The following FREM3 variants were observed in gnomAD, a reference collection of about 807,000 sequenced individuals.
FREM3 encodes FRAS1-related extracellular matrix protein 3.
Under a neutral mutation model 129.1 loss-of-function variants are expected in FREM3, and 105 were observed. The ratio of observed to expected loss-of-function variants is 0.81; its 90% CI spans 0.69 to 0.96. FREM3 has a LOEUF of 0.96. Ranked by LOEUF, FREM3 falls within the 40% of genes least tolerant of loss-of-function variation. FREM3 has a pLI of 0.00. For missense variants in FREM3, 2,593 were observed against 2,666.3 expected (o/e 0.97, Z 0.61); for synonymous variants, 1,014 against 1,044.9 (o/e 0.97, Z 0.57).
chr4:143,609,108 A>C (rs1738713739), intron 6 of FREM3, among the ~76,000 whole-genome samples: 1 of 152,146 alleles, frequency 6.6e-6, no homozygotes, highest in Non-Finnish European at 1.5e-5. Context: ...TGGGAAACAG[A>C]GCCACAGATA....
intron 2 of FREM3, among the ~76,000 whole-genome samples, chr4:143,690,202 A>G (rs944025792): frequency 1.1e-4 from 16 of 152,158 alleles, no homozygotes; most frequent in Non-Finnish European, 2.4e-4. Context: ...TAATAATTCT[A>G]AGGAACACAT....
chr4:143,662,079 C>G (rs922678460), intron 2 of FREM3, among the ~76,000 whole-genome samples: 1 of 151,796 alleles, frequency 6.6e-6, no homozygotes, highest in African/African-American at 2.4e-5. Context: ...TTTTTTGTGT[C>G]TCTATTTCCT....
At chr4:143,596,936 T>A (rs1465357482) in intron 6 of FREM3, among the ~76,000 whole-genome samples, 1 of 151,902 alleles carries the variant, frequency 6.6e-6, no homozygotes, top group African/African-American at 2.4e-5. Context: ...AGACTTTGTC[T>A]CAAAAAATAA....
chr4:143,616,940 G>T (rs573401487), intron 5 of FREM3, among the ~76,000 whole-genome samples: 1 of 152,284 alleles, frequency 6.6e-6, no homozygotes, highest in African/African-American at 2.4e-5. Context: ...GGATAGAGTA[G>T]ATCATTAAAA....
At chr4:143,693,975 A>G (rs950519082) in intron 1 of FREM3, among the ~76,000 whole-genome samples, 1 of 152,166 alleles carries the variant, frequency 6.6e-6, no homozygotes, top group Non-Finnish European at 1.5e-5. Flanking sequence ...TGAAAGGAAC[A>G]ATCAACAGTG....
At chr4:143,592,375 G>T (rs1253185912) in intron 6 of FREM3, among the ~76,000 whole-genome samples, 1 of 151,198 alleles carries the variant, frequency 6.6e-6, no homozygotes, top group African/African-American at 2.5e-5. Flanking sequence ...GCAGTGGCTG[G>T]TACTGGTTGT....
At chr4:143,630,646 G>C (rs1739119189) in intron 2 of FREM3, among the ~76,000 whole-genome samples, 2 of 152,158 alleles carry the variant, frequency 1.3e-5, no homozygotes, top group Non-Finnish European at 2.9e-5. Flanking sequence ...CCACATGCTT[G>C]CTGTTAGGCA....
intron 6 of FREM3, among the ~76,000 whole-genome samples, chr4:143,592,485 C>T (rs1738384288): frequency 6.6e-6 from 1 of 152,126 alleles, no homozygotes; most frequent in African/African-American, 2.4e-5. Flanking sequence ...TATTTTATTT[C>T]TCCTTTGCTT....
In FREM3 at chr4:143,664,024, G is replaced by A. The variant is rs908117796; in HGVS notation, c.5275+29089C>T. 9.9e-5 allele frequency among the ~76,000 whole-genome samples: 15 copies of A among 152,128 alleles called. 1 individual carries two copies. The South Asian group carries it at 2.5e-3, about 25-fold the overall frequency. On this transcript the variant is annotated intron_variant, in intron 2 of 7. Coordinates refer to ENST00000329798, the MANE Select transcript of FREM3 (RefSeq NM_001168235.2). ...AAAGTTTTCAACTTCTTTGCCTTCC[G>A]TTTGAATTTCCTCCTGTAGTTCGGA...
intron 2 of FREM3, among the ~76,000 whole-genome samples, chr4:143,665,136 T>C (rs7438449): frequency 0.77 from 116,605 of 151,822 alleles, 45,196 homozygotes; most frequent in East Asian, 0.94. Context: ...GTGAGATGAA[T>C]CCAGTACCTC....
At chr4:143,638,757 T>G (rs919010859) in intron 2 of FREM3, among the ~76,000 whole-genome samples, 2 of 152,148 alleles carry the variant, frequency 1.3e-5, no homozygotes, top group Admixed American at 1.3e-4. Flanking sequence ...AACATAGTCT[T>G]GATTTATCAT....
At chr4:143,633,390 T>G (rs991963465) in intron 2 of FREM3, among the ~76,000 whole-genome samples, 3 of 152,194 alleles carry the variant, frequency 2.0e-5, no homozygotes, top group Non-Finnish European at 4.4e-5. Context: ...TTCTGAAGGA[T>G]GATTTATGAA....
At chr4:143,691,622 G>A (rs945768651) in intron 2 of FREM3, among the ~76,000 whole-genome samples, 1 of 152,110 alleles carries the variant, frequency 6.6e-6, no homozygotes, top group Non-Finnish European at 1.5e-5. Flanking sequence ...TTCAACCATG[G>A]TGTCTTCATT....
At chr4:143,669,818 T>C (rs909291892) in intron 2 of FREM3, among the ~76,000 whole-genome samples, 2 of 152,108 alleles carry the variant, frequency 1.3e-5, no homozygotes, top group Non-Finnish European at 2.9e-5. Flanking sequence ...AAATTTCAAC[T>C]TTTATTTTAG....
intron 2 of FREM3, among the ~76,000 whole-genome samples, chr4:143,651,775 C>T (rs1358984131): frequency 6.6e-6 from 1 of 152,186 alleles, no homozygotes. Context: ...AAAGCCCACC[C>T]TTAAGTCATT....
At chr4:143,656,003 G>A (rs1315369344) in intron 2 of FREM3, among the ~76,000 whole-genome samples, 2 of 152,138 alleles carry the variant, frequency 1.3e-5, no homozygotes, top group Non-Finnish European at 2.9e-5. Context: ...CCTACAATAA[G>A]TGTTATTGAA....
At position 143,603,433 on chromosome 4, in the gene FREM3, C is replaced by T. The variant is rs1738609742; in HGVS notation, c.6028+7846G>A. 2.0e-5 allele frequency among the ~76,000 whole-genome samples: 3 copies of T among 152,098 alleles called. 1 individual carries two copies. In the South Asian group the frequency reaches 6.2e-4, roughly 31 times the overall value. The stretch of plus-strand genomic sequence containing the variant: ...GGCAATCAACTGTTATTGTTTGTCT[C>T]ATTTCTTTTCTCCCAGTTGTCTCTG... On this transcript the variant is annotated intron_variant, in intron 6 of 7. Transcript: ENST00000329798.
At chr4:143,635,924 G>T (rs1739225867) in intron 2 of FREM3, among the ~76,000 whole-genome samples, 1 of 152,070 alleles carries the variant, frequency 6.6e-6, no homozygotes, top group Non-Finnish European at 1.5e-5. Context: ...GAAGCATCAG[G>T]TTGTCAGGTT....
intron 7 of FREM3, among the ~76,000 whole-genome samples, chr4:143,582,325 G>A (rs1168479645): frequency 6.6e-6 from 1 of 152,118 alleles, no homozygotes; most frequent in Non-Finnish European, 1.5e-5. Flanking sequence ...GAGGAGCCAT[G>A]TGGCTGAGTA....
Sources: gnomAD v4.1 joint callset for allele counts (sites outside exome capture counted in the v4.1 genomes callset) on GRCh38, gnomAD v4.1.1 for gene constraint, MANE v1.5 for transcripts, NCBI Gene and HGNC (gene_info 2026-07-23, HGNC 2026-07-21) for gene names.